Variants in TTC4 observed in about 807,000 individuals in gnomAD.
The protein encoded by TTC4 is tetratricopeptide repeat domain 4, also known as hsp70/Hsp90 co-chaperone CNS1 homolog.
TTC4 carries 36 observed loss-of-function variants against 51.9 expected under a neutral mutation model. That is an observed-to-expected ratio of 0.69 (90% CI 0.53 to 0.92). The LOEUF is 0.92. Among genes scored for constraint, TTC4 ranks in the 40% least tolerant of loss-of-function variants. The pLI, the probability that TTC4 is intolerant of heterozygous loss-of-function variation, is 0.00. For missense variants in TTC4, 399 were observed against 454.6 expected (o/e 0.88, Z 1.11); for synonymous variants, 144 against 164.2 (o/e 0.88, Z 0.94).
At chr1:54,723,474 GA>G (rs1346220076) in intron 5 of TTC4, among the ~76,000 whole-genome samples, 1 of 152,192 alleles carries the variant, frequency 6.6e-6, no homozygotes, top group African/African-American at 2.4e-5. Flanking sequence ...AAGCCATGAA[GA>G]GAGACCTAAA....
intron 3 of TTC4, among the ~76,000 whole-genome samples, chr1:54,718,260 C>A (rs1645699996): frequency 6.6e-6 from 1 of 152,100 alleles, no homozygotes; most frequent in African/African-American, 2.4e-5. Context: ...GTAGTCCTAG[C>A]TACTTGGGAG....
At chr1:54,721,617 A>C (rs1392192802) in intron 4 of TTC4, among the ~76,000 whole-genome samples, 1 of 152,190 alleles carries the variant, frequency 6.6e-6, no homozygotes, top group African/African-American at 2.4e-5. Context: ...AGATGTTCTC[A>C]GATTATGTTT....
At chr1:54,726,916 G>A (rs1005915330) in intron 5 of TTC4, among the ~76,000 whole-genome samples, 2 of 152,148 alleles carry the variant, frequency 1.3e-5, no homozygotes, top group Non-Finnish European at 2.9e-5. Context: ...GGGACTATAG[G>A]CATGTGATGC....
In TTC4 at chr1:54,739,527, T is replaced by TA. The variant is rs140936549; in HGVS notation, c.1061+1864dup. Among the ~76,000 whole-genome samples, 1,222 of 152,366 alleles carry TA rather than the reference T, an allele frequency of 8.0e-3. 20 individuals are homozygous for TA. Among genetic ancestry groups the TA allele is most frequent in the African/African-American group, 0.028 (1,175 of 41,592 alleles). Reference sequence around the variant, plus strand: ...TAAACTGCACAGGGCAGTCCTGCTATAGGAGGGCATCTTTGTCATTAGCAG... The same window carrying TA: ...TAAACTGCACAGGGCAGTCCTGCTATAAGGAGGGCATCTTTGTCATTAGCAG... On this transcript the variant is annotated intron_variant, in intron 9 of 9. Transcript: ENST00000371281.
intron 3 of TTC4, among the ~76,000 whole-genome samples, chr1:54,719,902 T>C (rs966446107): frequency 2.0e-5 from 3 of 151,756 alleles, no homozygotes; most frequent in Admixed American, 2.0e-4. Context: ...CATACTTTTT[T>C]TTTTTTTTTT....
chr1:54,725,151 C>T (rs951659679), intron 5 of TTC4, among the ~76,000 whole-genome samples: 10 of 152,084 alleles, frequency 6.6e-5, no homozygotes, highest in Non-Finnish European at 2.9e-5. Flanking sequence ...CTGGTAGATC[C>T]CTGGAAGACC....
rs1363787420 is a variant in TTC4, at chr1:54,715,955, C to T, written c.47C>T (p.Ser16Leu). The T allele has an allele frequency of 4.4e-6, 7 of 1,607,118 alleles. No homozygotes were observed. The highest frequency in any genetic ancestry group is 2.2e-5 in the East Asian group (1 of 44,518). The stretch of plus-strand genomic sequence containing the variant: ...CCCACCTCAGACGACGTCATGGACT[C>T]GTTCCTGGAAAAGTTCCAGAGCCAG... ...QDPTSDDVMDSFLEKFQSQPY... is the reference protein window; with the variant it reads ...QDPTSDDVMDLFLEKFQSQPY... The change falls in exon 1 of 10, where the codon TCG (serine) becomes TTG (leucine). Residue 16 changes from serine (S) to leucine (L), a missense_variant. Ser to Leu is a moderately radical substitution (Grantham distance 145). Transcript: ENST00000371281.
In TTC4 at chr1:54,716,678, C is replaced by G. The variant is rs1328903488; in HGVS notation, c.190C>G (p.Leu64Val). 2 of 1,613,492 alleles carry G rather than the reference C, an allele frequency of 1.2e-6. No homozygotes were observed. The highest frequency in any genetic ancestry group is 8.5e-7 in the Non-Finnish European group (1 of 1,179,942). The stretch of plus-strand genomic sequence containing the variant: ...CAGGGAGAATCCTGACTTGGCTTGT[C>G]TCCAGTCAATTATTTTTGATGAGGA... Reference protein sequence around the residue: ...DPRENPDLACLQSIIFDEERS... With the variant: ...DPRENPDLACVQSIIFDEERS... Residue 64 changes from leucine to valine, a missense_variant, in exon 2 of 10, where the codon CTC becomes GTC. This residue lies in a region of TTC4 where 316 missense variants were observed against 349.6 expected (regional missense o/e 0.90). Transcript: ENST00000371281.
At chr1:54,740,254 G>A (rs1211071016) in intron 9 of TTC4, among the ~76,000 whole-genome samples, 2 of 152,174 alleles carry the variant, frequency 1.3e-5, no homozygotes, top group African/African-American at 2.4e-5. Context: ...AGGAGGAGGT[G>A]GATTAGAGGT....
In TTC4 at chr1:54,715,977, C is replaced by G. The variant is rs144220243; in HGVS notation, c.69C>G (p.Ser23Arg). ...VMDSFLEKFQ[S>R]QPYRGGFHED... ...ACTCGTTCCTGGAAAAGTTCCAGAG[C>G]CAGCCTTACCGTGGCGGCTTTCATG... The change falls in exon 1 of 10, where the codon AGC becomes AGG. Residue 23 changes from serine to arginine, a missense_variant. By Grantham distance (110) the Ser-to-Arg change is moderately radical (BLOSUM62 -1). Coordinates refer to ENST00000371281, the MANE Select transcript of TTC4 (RefSeq NM_004623.5). The G allele has an allele frequency of 6.9e-6, 11 of 1,602,886 alleles. No individual in the cohort carries two copies. Among genetic ancestry groups the G allele is most frequent in the Non-Finnish European group, 9.4e-6 (11 of 1,174,938 alleles).
chr1:54,741,385 C>T (rs1418094508), intron 9 of TTC4, 26 bp from the exon 10 acceptor site: 1 of 1,572,482 alleles, frequency 6.4e-7, no homozygotes, highest in African/African-American at 1.4e-5. Context: ...AAATTAACAC[C>T]CTCTCTTTTG....
At chr1:54,721,903 C>A (rs989645347) in intron 4 of TTC4, among the ~76,000 whole-genome samples, 9 of 152,252 alleles carry the variant, frequency 5.9e-5, no homozygotes, top group Middle Eastern at 6.8e-3. Context: ...TCTAGGTAAT[C>A]CTGTGGAATT....
chr1:54,735,386 A>AT (rs1477384378), intron 8 of TTC4, among the ~76,000 whole-genome samples: 4 of 151,722 alleles, frequency 2.6e-5, no homozygotes, highest in South Asian at 2.1e-4. Context: ...CGCCCAGCTA[A>AT]TTTTTTGTAT....
rs1557753179 is a variant in TTC4, at chr1:54,736,268, G to GTGTGTGTGTGTA, written c.979-1314_979-1313insTGTGTGTGTGTA. On this transcript the variant is annotated intron_variant, in intron 8 of 9. Transcript: ENST00000371281. ...AGAGGAGAGAGGAGAGAGAGAGAGA[G>GTGTGTGTGTGTA]AGACCATGAAGTCTCATTGGTATCT... is the stretch of plus-strand genomic sequence containing the variant. Among the ~76,000 whole-genome samples, 4 of 117,980 alleles carry GTGTGTGTGTGTA rather than the reference G, an allele frequency of 3.4e-5. 1 individual carries two copies. The highest frequency in any genetic ancestry group is 1.7e-4 in the African/African-American group (4 of 23,898). 77.4% of individuals were successfully genotyped at this position (117,980 alleles called of 152,430 possible).
chr1:54,738,395 CGAG>C (rs1483283752), intron 9 of TTC4, among the ~76,000 whole-genome samples: 4 of 152,138 alleles, frequency 2.6e-5, no homozygotes, highest in Non-Finnish European at 5.9e-5. Context: ...AGGCACCATC[CGAG>C]GAGTAGAGCC....
intron 6 of TTC4, among the ~76,000 whole-genome samples, chr1:54,729,498 T>G (rs939109424): frequency 2.0e-5 from 3 of 152,208 alleles, no homozygotes; most frequent in Non-Finnish European, 4.4e-5. Flanking sequence ...TCCTTGCTCT[T>G]AACCACTGGG....
intron 9 of TTC4, 111 bp from the exon 10 acceptor site, chr1:54,741,300 T>C: frequency 1.1e-6 from 1 of 923,630 alleles, no homozygotes; most frequent in South Asian, 1.3e-5. Flanking sequence ...AAACTTGCAT[T>C]TTCATGTTGA....
At chr1:54,740,203 T>TAAAG (rs1226112573) in intron 9 of TTC4, among the ~76,000 whole-genome samples, 2 of 152,164 alleles carry the variant, frequency 1.3e-5, no homozygotes, top group African/African-American at 4.8e-5. Flanking sequence ...CAGAGTAATG[T>TAAAG]AAAGATTTGA....
At chr1:54,728,231 T>G (rs1645824721) in intron 5 of TTC4, 115 bp from the exon 6 acceptor site, 1 of 898,324 alleles carries the variant, frequency 1.1e-6, no homozygotes, top group Non-Finnish European at 1.7e-6. Context: ...CTGGTATTCC[T>G]TAACACAGGA....
Sources: gnomAD v4.1 joint callset for allele counts (sites outside exome capture counted in the v4.1 genomes callset) on GRCh38, gnomAD v4.1.1 for gene constraint, gnomAD v4.1.1 regional missense constraint, MANE v1.5 for transcripts, NCBI Gene and HGNC (gene_info 2026-07-23, HGNC 2026-07-21) for gene names.